UST: variants seen among roughly 807,000 people sequenced by gnomAD.
The protein encoded by UST is chondroitin sulfate 2-O-sulfotransferase.
Under a neutral mutation model 45.6 loss-of-function variants are expected in UST, and 21 were observed. The ratio of observed to expected loss-of-function variants is 0.46; its 90% CI spans 0.33 to 0.66. UST has a LOEUF of 0.66. UST is among the 30% of genes least tolerant of loss of function. UST has a pLI of 0.02. For missense variants in UST, 463 were observed against 512.4 expected (o/e 0.90, Z 0.93); for synonymous variants, 215 against 200.6 (o/e 1.07, Z -0.61).
At chr6:148,835,430 C>T (rs1027888822) in intron 1 of UST, among the ~76,000 whole-genome samples, 2 of 152,180 alleles carry the variant, frequency 1.3e-5, no homozygotes, top group African/African-American at 4.8e-5. Context: ...GGGAGAAAGG[C>T]AGTAGCCTAG....
intron 5 of UST, among the ~76,000 whole-genome samples, chr6:149,014,650 C>A (rs1244144536): frequency 6.6e-6 from 1 of 152,176 alleles, no homozygotes; most frequent in East Asian, 1.9e-4. Context: ...TGTTAACTCT[C>A]CCCGCCAGAA....
At position 148,977,713 on chromosome 6, in the gene UST, C is replaced by T. The variant is rs1189236508; in HGVS notation, c.681+13150C>T. On this transcript the variant is annotated intron_variant, in intron 5 of 7. Coordinates refer to ENST00000367463, the MANE Select transcript of UST (RefSeq NM_005715.3). ...CTTGCAGTGAGCCAAGATCGCGCCA[C>T]TGTACTCCAGCCTGGATGACAGAGT... is the stretch of plus-strand genomic sequence containing the variant. Among the ~76,000 whole-genome samples the T allele has an allele frequency of 2.1e-5, 3 of 139,560 alleles. No homozygotes were observed. The East Asian group carries it at 6.3e-4, about 29-fold the overall frequency. The allele number at this position is 139,560 out of a possible 152,430, so 91.6% of individuals were successfully genotyped here.
At chr6:148,751,830 T>G (rs1332565604) in intron 1 of UST, among the ~76,000 whole-genome samples, 1 of 152,256 alleles carries the variant, frequency 6.6e-6, no homozygotes, top group Non-Finnish European at 1.5e-5. Context: ...TAGGTTATGA[T>G]GCAGCCTTGC....
At chr6:148,869,577 T>C (rs115061800) in intron 1 of UST, among the ~76,000 whole-genome samples, 1,862 of 152,300 alleles carry the variant, frequency 0.012, 40 homozygotes, top group African/African-American at 0.042. Flanking sequence ...GAAAGCATAA[T>C]CCCAGATGGG....
intron 5 of UST, among the ~76,000 whole-genome samples, chr6:148,986,248 A>C (rs1471134905): frequency 6.6e-6 from 1 of 152,198 alleles, no homozygotes; most frequent in Non-Finnish European, 1.5e-5. Context: ...GCAATGGGAG[A>C]GATTCATGGC....
intron 1 of UST, among the ~76,000 whole-genome samples, chr6:148,769,908 T>C (rs1776390455): frequency 6.6e-6 from 1 of 152,128 alleles, no homozygotes; most frequent in Non-Finnish European, 1.5e-5. Context: ...TCTAAGATTA[T>C]GTAAATTACA....
At chr6:148,895,867 A>C (rs1779118417) in intron 2 of UST, among the ~76,000 whole-genome samples, 1 of 152,244 alleles carries the variant, frequency 6.6e-6, no homozygotes, top group African/African-American at 2.4e-5. Context: ...GTGAAAATGG[A>C]CTAATACACA....
At chr6:148,927,369 AACTTT>A (rs2114905511) in intron 2 of UST, among the ~76,000 whole-genome samples, 1 of 152,310 alleles carries the variant, frequency 6.6e-6, no homozygotes, top group South Asian at 2.1e-4. Context: ...TAGTTGAACA[AACTTT>A]ACTTTGGATT....
intron 1 of UST, among the ~76,000 whole-genome samples, chr6:148,860,042 G>T (rs768508086): frequency 3.3e-5 from 5 of 152,146 alleles, no homozygotes. Context: ...AAAGTCATTG[G>T]TAGCTTAATG....
At chr6:148,796,978 T>C (rs188107602) in intron 1 of UST, among the ~76,000 whole-genome samples, 9 of 152,064 alleles carry the variant, frequency 5.9e-5, no homozygotes, top group African/African-American at 1.9e-4. Flanking sequence ...ATGTTTTGTA[T>C]TTTTAGTAGA....
chr6:148,766,793 A>C (rs1052475201), intron 1 of UST, among the ~76,000 whole-genome samples: 15 of 152,242 alleles, frequency 9.9e-5, no homozygotes, highest in Admixed American at 3.3e-4. Flanking sequence ...TAAAAGCTCC[A>C]TGGGTAATTC....
intron 1 of UST, among the ~76,000 whole-genome samples, chr6:148,800,839 A>G (rs1777046362): frequency 6.7e-6 from 1 of 149,138 alleles, no homozygotes; most frequent in Admixed American, 6.8e-5. Flanking sequence ...TCCTCATGGA[A>G]TCTTAAAACC....
intron 1 of UST, among the ~76,000 whole-genome samples, chr6:148,811,934 A>T (rs1417480237): frequency 6.6e-6 from 1 of 152,230 alleles, no homozygotes; most frequent in African/African-American, 2.4e-5. Context: ...ATCTCCGTTA[A>T]TCTACCACGA....
intron 1 of UST, among the ~76,000 whole-genome samples, chr6:148,854,153 C>T (rs1778159213): frequency 6.6e-6 from 1 of 152,184 alleles, no homozygotes. Context: ...AAAAATATGA[C>T]TTAGAAACAT....
intron 1 of UST, among the ~76,000 whole-genome samples, chr6:148,847,057 T>C (rs187592313): frequency 6.6e-6 from 1 of 152,388 alleles, no homozygotes; most frequent in Non-Finnish European, 1.5e-5. Context: ...TGGATATCAG[T>C]GGAAGCCATA....
chr6:148,771,536 G>A (rs1776426922), intron 1 of UST, among the ~76,000 whole-genome samples: 1 of 152,210 alleles, frequency 6.6e-6, no homozygotes, highest in Non-Finnish European at 1.5e-5. Context: ...TTAAAATATA[G>A]TTGGAAGAGA....
At chr6:149,069,183 A>T (rs908547381) in intron 7 of UST, among the ~76,000 whole-genome samples, 1 of 152,210 alleles carries the variant, frequency 6.6e-6, no homozygotes, top group Non-Finnish European at 1.5e-5. Context: ...TGCGAATATT[A>T]CTACAGTAAA....
intron 1 of UST, among the ~76,000 whole-genome samples, chr6:148,884,457 A>G (rs1320395153): frequency 3.9e-5 from 6 of 152,178 alleles, no homozygotes; most frequent in African/African-American, 1.4e-4. Context: ...GTTCCATTTG[A>G]ATAGAGACTG....
At chr6:148,916,233 G>A (rs1333236570) in intron 2 of UST, among the ~76,000 whole-genome samples, 5 of 152,134 alleles carry the variant, frequency 3.3e-5, no homozygotes, top group Middle Eastern at 3.2e-3. Flanking sequence ...GCCATTTTAC[G>A]GATGGATAAA....
Sources: gnomAD v4.1 joint callset for allele counts (sites outside exome capture counted in the v4.1 genomes callset) on GRCh38, gnomAD v4.1.1 for gene constraint, MANE v1.5 for transcripts, NCBI Gene and HGNC (gene_info 2026-07-23, HGNC 2026-07-21) for gene names.